COLQ: variants seen among roughly 807,000 people sequenced by gnomAD.
The protein encoded by COLQ is acetylcholinesterase collagenic tail peptide.
Under a neutral mutation model 69.0 loss-of-function variants are expected in COLQ, and 48 were observed. The ratio of observed to expected loss-of-function variants is 0.70; its 90% CI spans 0.55 to 0.88. COLQ has a LOEUF of 0.88. COLQ is among the 40% of genes least tolerant of loss of function. The pLI is 0.00. For missense variants in COLQ, 618 were observed against 594.6 expected (o/e 1.04, Z -0.41); for synonymous variants, 217 against 211.2 (o/e 1.03, Z -0.24).
intron 5 of COLQ, chr3:15,477,530 G>C: frequency 8.9e-6 from 3 of 336,734 alleles, no homozygotes; most frequent in East Asian, 1.4e-4. Flanking sequence ...TATGGAATGA[G>C]ATAGGATTAC....
intron 1 of COLQ, among the ~76,000 whole-genome samples, chr3:15,517,225 C>G (rs1236656331): frequency 6.6e-6 from 1 of 152,154 alleles, no homozygotes; most frequent in East Asian, 1.9e-4. Context: ...GCCAATATCA[C>G]TATTTATCCA....
At chr3:15,453,493 G>C (rs1435228489) in intron 16 of COLQ, among the ~76,000 whole-genome samples, 2 of 152,244 alleles carry the variant, frequency 1.3e-5, no homozygotes, top group Non-Finnish European at 1.5e-5. Context: ...TAGGCCCACA[G>C]CCCAGGAGAC....
At chr3:15,521,391 G>A (rs1026699513) in intron 1 of COLQ, 129 bp downstream of exon 1, 110 of 1,267,292 alleles carry the variant, frequency 8.7e-5, no homozygotes, top group East Asian at 5.1e-5. Flanking sequence ...TGGGGTGGCC[G>A]TCTTCCTTCC....
chr3:15,499,013 A>ATG, intron 1 of COLQ: 2 of 1,055,720 alleles, frequency 1.9e-6, no homozygotes, highest in Non-Finnish European at 2.3e-6. Flanking sequence ...GGTAAGCCTC[A>ATG]AAGTCAACCC....
intron 3 of COLQ, among the ~76,000 whole-genome samples, chr3:15,482,277 T>G (rs1023887169): frequency 2.6e-5 from 4 of 152,244 alleles, no homozygotes; most frequent in African/African-American, 9.6e-5. Flanking sequence ...AGGGCATCCC[T>G]GTCTTGTGCC....
chr3:15,467,819 C>T (rs1216867588), intron 11 of COLQ: 5 of 455,524 alleles, frequency 1.1e-5, no homozygotes, highest in Non-Finnish European at 1.8e-5. Context: ...GCTTGGGACT[C>T]CTTTCCAGCC....
chr3:15,474,243 A>T lies in COLQ; in HGVS notation c.585T>A (p.Gly195=). 1 of 1,613,922 alleles carries T rather than the reference A, an allele frequency of 6.2e-7. No homozygotes were observed. Among genetic ancestry groups the T allele is most frequent in the South Asian group, 1.1e-5 (1 of 91,078 alleles). ...TCTCCATTACCTTTTCTCCTTTGGGACCCAGGTCACCCTTTTCACCTCTGG... is the reference window on the plus strand; with the variant it reads ...TCTCCATTACCTTTTCTCCTTTGGGTCCCAGGTCACCCTTTTCACCTCTGG... ...KGSRGEKGDL[G]PKGEKGFPGF... Residue 195 remains glycine (G), a synonymous_variant, in exon 9 of 17, where the codon GGT becomes GGA. Transcript: ENST00000383788.
intron 1 of COLQ, among the ~76,000 whole-genome samples, chr3:15,502,957 C>T (rs1445459440): frequency 3.3e-5 from 5 of 152,252 alleles, no homozygotes; most frequent in East Asian, 1.9e-4. Context: ...TTTACAGAGG[C>T]GAAAAATGAC....
chr3:15,461,301 C>T (rs2062110661), intron 12 of COLQ, among the ~76,000 whole-genome samples: 2 of 152,038 alleles, frequency 1.3e-5, no homozygotes, highest in South Asian at 2.1e-4. Context: ...GCACCAGAAA[C>T]CGAGGTCACC....
At chr3:15,506,834 T>C (rs1385438882) in intron 1 of COLQ, 2 of 152,264 alleles carry the variant, frequency 1.3e-5, no homozygotes, top group Non-Finnish European at 2.9e-5. Flanking sequence ...CCAGAACTTC[T>C]AGATTCAAGC....
rs1384588788 is a variant in COLQ, at chr3:15,477,121, C to T, written c.465+5G>A. On this transcript the variant is annotated splice_donor_5th_base_variant and intron_variant, in intron 6 of 16. Coordinates refer to ENST00000383788, the MANE Select transcript of COLQ (RefSeq NM_005677.4). ...GCATGAGCCCTGAGAGCATGCCACA[C>T]TTACCCTGGGTCCTTCAGGGCCTGG... The T allele has an allele frequency of 2.5e-6, 4 of 1,598,908 alleles. No individual in the cohort carries two copies. Among genetic ancestry groups the T allele is most frequent in the Non-Finnish European group, 3.4e-6 (4 of 1,173,032 alleles).
At chr3:15,514,052 A>G (rs1042283529) in intron 1 of COLQ, among the ~76,000 whole-genome samples, 3 of 152,148 alleles carry the variant, frequency 2.0e-5, no homozygotes, top group Admixed American at 1.3e-4. Flanking sequence ...AAGGTGGAGA[A>G]AGGGGCCAGG....
intron 1 of COLQ, among the ~76,000 whole-genome samples, chr3:15,514,463 A>G (rs566920376): frequency 7.6e-4 from 116 of 152,076 alleles, no homozygotes; most frequent in Non-Finnish European, 1.3e-3. Flanking sequence ...CATTAGAATC[A>G]CCTGGAGGAC....
At position 15,489,557 on chromosome 3, in the gene COLQ, G is replaced by A; in HGVS notation, c.187C>T (p.Pro63Ser). 1 of 1,614,202 alleles carries A rather than the reference G, an allele frequency of 6.2e-7. No homozygotes were observed. Among genetic ancestry groups the A allele is most frequent in the Admixed American group, 1.7e-5 (1 of 60,032 alleles). ...LLTPPPPPLF[P>S]PPFFRGGRSP... is the part of the protein sequence containing the mutation. ...CGGCCACCTCTGAAGAATGGTGGTGGGAACAGTGGTGGTGGAGGAGGCGTC... is the reference window on the plus strand; with the variant it reads ...CGGCCACCTCTGAAGAATGGTGGTGAGAACAGTGGTGGTGGAGGAGGCGTC... Residue 63 changes from proline to serine, a missense_variant, in exon 2 of 17, where the codon CCA (proline) becomes TCA (serine). Coordinates refer to ENST00000383788, the MANE Select transcript of COLQ (RefSeq NM_005677.4).
At chr3:15,518,784 G>C (rs752069140) in intron 1 of COLQ, among the ~76,000 whole-genome samples, 11 of 152,164 alleles carry the variant, frequency 7.2e-5, no homozygotes, top group Non-Finnish European at 1.3e-4. Flanking sequence ...GGTGATCATG[G>C]AATCCCTCAG....
At chr3:15,457,605 T>G (rs2062043637) in intron 13 of COLQ, among the ~76,000 whole-genome samples, 1 of 146,290 alleles carries the variant, frequency 6.8e-6, no homozygotes, top group Non-Finnish European at 1.5e-5. Flanking sequence ...GGATTTCAAC[T>G]AAGATAACAA....
At chr3:15,510,045 G>A (rs146730020) in intron 1 of COLQ, among the ~76,000 whole-genome samples, 14,619 of 152,012 alleles carry the variant, frequency 0.096, 938 homozygotes, top group East Asian at 0.33. Flanking sequence ...GCGTGGTGGC[G>A]GGCGCCTGTA....
chr3:15,471,760 C>T (rs1367444525), intron 10 of COLQ, among the ~76,000 whole-genome samples: 3 of 152,208 alleles, frequency 2.0e-5, no homozygotes, highest in Non-Finnish European at 2.9e-5. Context: ...CTACCCAAGC[C>T]ACCAATGTCT....
At chr3:15,458,408 C>G in intron 12 of COLQ, 83 bp from the exon 13 acceptor site, 1 of 1,513,934 alleles carries the variant, frequency 6.6e-7, no homozygotes, top group South Asian at 1.1e-5. Context: ...ACCTTTGCAA[C>G]AGAAAAAAGG....
Sources: gnomAD v4.1 joint callset for allele counts (sites outside exome capture counted in the v4.1 genomes callset) on GRCh38, gnomAD v4.1.1 for gene constraint, MANE v1.5 for transcripts, NCBI Gene and HGNC (gene_info 2026-07-23, HGNC 2026-07-21) for gene names.